IFT74: variants seen among roughly 807,000 people sequenced by gnomAD.
IFT74 encodes the protein intraflagellar transport protein 74 homolog.
A neutral mutation model predicts 96.7 loss-of-function variants in IFT74; 92 were observed. The observed-to-expected ratio is 0.95, with a 90% CI of 0.80 to 1.13. IFT74 has a LOEUF of 1.13. Ranked by LOEUF, IFT74 falls within the 50% of genes most tolerant of loss-of-function variation. IFT74 has a pLI of 0.00. For missense variants in IFT74, 811 were observed against 698.2 expected, an observed-to-expected ratio of 1.16 and a Z score of -1.82; for synonymous variants, 223 against 213.2, an observed-to-expected ratio of 1.05 and a Z score of -0.40.
At position 26,987,772 on chromosome 9, in the gene IFT74, G is replaced by A. The variant is rs73643124; in HGVS notation, c.466-897G>A. Among the ~76,000 whole-genome samples, 895 of 152,286 alleles carry A rather than the reference G, an allele frequency of 5.9e-3. 9 individuals are homozygous for A. Among genetic ancestry groups the A allele is most frequent in the African/African-American group, 0.021 (852 of 41,542 alleles). The stretch of plus-strand genomic sequence containing the variant: ...TTGTAAAAATTGAGTTAACACATAT[G>A]TAATAGTGTTTGACACTAGGTAAAT... On this transcript the variant is annotated intron_variant, in intron 6 of 19. Coordinates refer to ENST00000380062, the MANE Select transcript of IFT74 (RefSeq NM_025103.4).
chr9:27,041,881 T>C (rs370060323), intron 13 of IFT74, among the ~76,000 whole-genome samples: 2 of 152,178 alleles, frequency 1.3e-5, no homozygotes, highest in Non-Finnish European at 2.9e-5. Context: ...GGAAGTTTTA[T>C]GAAGCTTGGG....
chr9:26,962,993 A>ACATGT (rs1826436008), intron 2 of IFT74, among the ~76,000 whole-genome samples: 1 of 145,656 alleles, frequency 6.9e-6, no homozygotes, highest in Non-Finnish European at 1.5e-5. Context: ...GTTTTAGGGT[A>ACATGT]CATGTGCACA....
At position 26,947,348 on chromosome 9, in the gene IFT74, G is replaced by T. The variant is rs1825771786; in HGVS notation, c.-20+202G>T. 18 of 376,182 alleles carry T rather than the reference G, an allele frequency of 4.8e-5. No homozygotes were observed. In the South Asian group the frequency reaches 8.1e-4, roughly 17 times the overall value. The allele number at this position is 376,182 out of a possible 1,614,324, so 23.3% of individuals were successfully genotyped here. On this transcript the variant is annotated intron_variant, in intron 1 of 19. Coordinates refer to the IFT74 transcript ENST00000433700. ...GGAGCTGAGCTGGCTTTCCTCCAGG[G>T]CTCTGGACTCCCTGCTGAGCAAGAG...
chr9:26,951,462 A>G (rs1328092636), upstream of IFT74, among the ~76,000 whole-genome samples: 2 of 152,232 alleles, frequency 1.3e-5, no homozygotes, highest in African/African-American at 4.8e-5. Context: ...CAATACATAC[A>G]TGAAATAAAA....
chr9:26,954,791 T>G (rs771850209), upstream of IFT74, among the ~76,000 whole-genome samples: 2 of 151,922 alleles, frequency 1.3e-5, no homozygotes, highest in Non-Finnish European at 2.9e-5. Flanking sequence ...ACTTAAAATT[T>G]GACATAACCT....
At chr9:27,059,420 G>T (rs1587431594) in intron 18 of IFT74, among the ~76,000 whole-genome samples, 2 of 152,292 alleles carry the variant, frequency 1.3e-5, no homozygotes, top group South Asian at 4.1e-4. Flanking sequence ...AATGTAAAAG[G>T]AATTTGACCA....
At chr9:27,036,752 A>G (rs1819219720) in intron 13 of IFT74, 2 of 1,199,290 alleles carry the variant, frequency 1.7e-6, no homozygotes, top group Admixed American at 8.8e-5. Context: ...GAGAGAGCGT[A>G]AAGTGCTGTC....
At chr9:27,040,302 G>A (rs966139862) in intron 13 of IFT74, among the ~76,000 whole-genome samples, 6 of 152,126 alleles carry the variant, frequency 3.9e-5, no homozygotes, top group Non-Finnish European at 5.9e-5. Context: ...TGTAATCCCA[G>A]CACTCTGGGA....
intron 13 of IFT74, among the ~76,000 whole-genome samples, chr9:27,044,364 T>C (rs771956166): frequency 1.9e-4 from 29 of 152,220 alleles, no homozygotes; most frequent in Non-Finnish European, 3.4e-4. Context: ...TAATTAATTG[T>C]TCAATCTTTA....
At chr9:26,964,781 C>T (rs1301909641) in intron 2 of IFT74, among the ~76,000 whole-genome samples, 1 of 152,032 alleles carries the variant, frequency 6.6e-6, no homozygotes, top group African/African-American at 2.4e-5. Context: ...AAGTACAGTA[C>T]TCTAATGTAA....
intron 18 of IFT74, among the ~76,000 whole-genome samples, chr9:27,059,942 C>G (rs1026094811): frequency 1.3e-5 from 2 of 152,130 alleles, no homozygotes; most frequent in African/African-American, 2.4e-5. Context: ...AAAGAAAGAC[C>G]ATAACCAGAG....
chr9:26,984,576 A>T lies in IFT74; in HGVS notation c.465+17A>T. 6.3e-7 allele frequency: 1 copy of T among 1,581,332 alleles called. No homozygotes were observed. Among genetic ancestry groups the T allele is most frequent in the Non-Finnish European group, 8.7e-7 (1 of 1,154,730 alleles). ...TACAACATGGTATTTTATCTTTTCTAAGAGAATTTACTGTTAATATTTTCA... is the reference window on the plus strand; with the variant it reads ...TACAACATGGTATTTTATCTTTTCTTAGAGAATTTACTGTTAATATTTTCA... On this transcript the variant is annotated intron_variant, in intron 6 of 19. Transcript: ENST00000380062.
chr9:26,953,971 CTACTGAG>C (rs1277146709), upstream of IFT74, among the ~76,000 whole-genome samples: 1 of 152,220 alleles, frequency 6.6e-6, no homozygotes, highest in Non-Finnish European at 1.5e-5. Context: ...GCCCTTGACT[CTACTGAG>C]TACCCACTTG....
At position 27,057,813 on chromosome 9, in the gene IFT74, G is replaced by C. The variant is rs748583501; in HGVS notation, c.1623+1354G>C. ...GCGGAGCTTGCAGTAAGCTGAGATCGCGCCACTGCACTCCAGCCTGGGTGA... is the reference window on the plus strand; with the variant it reads ...GCGGAGCTTGCAGTAAGCTGAGATCCCGCCACTGCACTCCAGCCTGGGTGA... On this transcript the variant is annotated intron_variant, in intron 18 of 19. Transcript: ENST00000380062. Among the ~76,000 whole-genome samples the C allele has an allele frequency of 2.6e-5, 4 of 151,878 alleles. No homozygotes were observed. In the South Asian group the frequency reaches 6.3e-4, roughly 24 times the overall value.
At chr9:27,032,250 C>T (rs1830157497) in intron 13 of IFT74, among the ~76,000 whole-genome samples, 1 of 152,102 alleles carries the variant, frequency 6.6e-6, no homozygotes, top group Admixed American at 6.6e-5. Flanking sequence ...TTTCAGCTTC[C>T]AAAATGTTAT....
intron 16 of IFT74, among the ~76,000 whole-genome samples, chr9:27,054,545 T>C (rs1820073364): frequency 6.6e-6 from 1 of 152,222 alleles, no homozygotes; most frequent in African/African-American, 2.4e-5. Flanking sequence ...ATGCTTGATA[T>C]TTTTGAATGG....
chr9:27,046,515 A>T (rs1364571633), intron 14 of IFT74, among the ~76,000 whole-genome samples: 1 of 152,202 alleles, frequency 6.6e-6, no homozygotes, highest in East Asian at 1.9e-4. Flanking sequence ...AAGTAAAAAG[A>T]TAATTTCCTA....
chr9:27,021,855 G>C (rs566161179), intron 12 of IFT74, among the ~76,000 whole-genome samples: 1 of 152,152 alleles, frequency 6.6e-6, no homozygotes, highest in Admixed American at 6.5e-5. Flanking sequence ...ATTTATCTTT[G>C]TTTTTGTTGC....
chr9:26,968,692 T>A (rs192846677), intron 2 of IFT74, among the ~76,000 whole-genome samples: 33 of 152,340 alleles, frequency 2.2e-4, no homozygotes, highest in African/African-American at 7.5e-4. Flanking sequence ...TTTTCCAACT[T>A]ATTGGCATAG....
Sources: allele counts gnomAD v4.1 joint callset (sites outside exome capture counted in the v4.1 genomes callset), GRCh38; gene constraint gnomAD v4.1.1; transcripts MANE v1.5; gene names NCBI Gene and HGNC (gene_info 2026-07-23, HGNC 2026-07-21).